The following TCF4 variants were observed in gnomAD, a reference collection of about 807,000 sequenced individuals.
TCF4 encodes SL3-3 enhancer factor 2.
In TCF4, 3 loss-of-function variants were observed where a neutral mutation model predicts 82.1. That is an observed-to-expected ratio of 0.04 (90% confidence interval 0.02 to 0.09). The LOEUF is 0.09. Ranked by LOEUF, TCF4 falls within the 10% of genes least tolerant of loss-of-function variation. The pLI is 1.00. For synonymous variants in TCF4, 276 were observed against 309.6 expected (o/e 0.89, Z 1.14); for missense variants, 518 against 852.7 (o/e 0.61, Z 4.89).
chr18:55,480,053 G>C (rs1301851333), intron 3 of TCF4, among the ~76,000 whole-genome samples: 2 of 152,016 alleles, frequency 1.3e-5, no homozygotes, highest in Non-Finnish European at 2.9e-5. Flanking sequence ...CAAGAAAATA[G>C]ACACAAGATA....
intron 3 of TCF4, among the ~76,000 whole-genome samples, chr18:55,474,844 A>G (rs1459733359): frequency 6.6e-6 from 1 of 152,120 alleles, no homozygotes; most frequent in Non-Finnish European, 1.5e-5. Context: ...GCACAAACAC[A>G]GCTCACCACA....
intron 8 of TCF4, among the ~76,000 whole-genome samples, chr18:55,312,488 A>C (rs535584625): frequency 1.3e-5 from 2 of 152,332 alleles, no homozygotes; most frequent in Admixed American, 1.3e-4. Context: ...TTCATAAGAA[A>C]CAATTCCGTA....
intron 6 of TCF4, among the ~76,000 whole-genome samples, chr18:55,360,165 G>A (rs1383139571): frequency 6.6e-6 from 1 of 152,186 alleles, no homozygotes; most frequent in African/African-American, 2.4e-5. Context: ...AATAGGTTAG[G>A]AGAACTTAAA....
intron 3 of TCF4, among the ~76,000 whole-genome samples, chr18:55,572,659 G>C (rs2097484692): frequency 6.6e-6 from 1 of 152,186 alleles, no homozygotes; most frequent in Non-Finnish European, 1.5e-5. Flanking sequence ...CTGTGGCTGT[G>C]CTACCTGATA....
At chr18:55,294,769 C>T (rs73488995) in intron 8 of TCF4, among the ~76,000 whole-genome samples, 4,019 of 152,258 alleles carry the variant, frequency 0.026, 185 homozygotes, top group African/African-American at 0.093. Flanking sequence ...GTTTCTGCAT[C>T]CAGATTTTCT....
intron 3 of TCF4, among the ~76,000 whole-genome samples, chr18:55,500,590 C>G (rs978850635): frequency 3.9e-5 from 6 of 152,096 alleles, no homozygotes; most frequent in Admixed American, 3.3e-4. Context: ...TTTCATAGCT[C>G]TCTATTAAAC....
chr18:55,581,599 T>C (rs949579992), intron 3 of TCF4, among the ~76,000 whole-genome samples: 2 of 152,090 alleles, frequency 1.3e-5, no homozygotes, highest in South Asian at 2.1e-4. Flanking sequence ...AAACCAATTT[T>C]TTTTTCATGC....
chr18:55,554,813 A>G (rs2097290481), intron 3 of TCF4, among the ~76,000 whole-genome samples: 1 of 152,222 alleles, frequency 6.6e-6, no homozygotes, highest in Non-Finnish European at 1.5e-5. Context: ...GGTTTGTGAA[A>G]CCAAAGTGAA....
intron 10 of TCF4, among the ~76,000 whole-genome samples, chr18:55,270,726 A>G (rs776670947): frequency 9.9e-5 from 15 of 152,164 alleles, no homozygotes; most frequent in Non-Finnish European, 1.8e-4. Context: ...TTTCCAAATA[A>G]GCTGTGTTTC....
At chr18:55,361,951 G>C (rs2085304242) in intron 6 of TCF4, among the ~76,000 whole-genome samples, 1 of 152,112 alleles carries the variant, frequency 6.6e-6, no homozygotes. Context: ...AATATTCGAA[G>C]ATGCATGAAT....
At chr18:55,388,365 A>G (rs887971681) in intron 6 of TCF4, among the ~76,000 whole-genome samples, 13 of 152,188 alleles carry the variant, frequency 8.5e-5, no homozygotes, top group African/African-American at 3.1e-4. Flanking sequence ...CACCACAACC[A>G]GAGAGTAGAG....
chr18:55,273,149 T>C (rs1568603143), intron 10 of TCF4, among the ~76,000 whole-genome samples: 1 of 152,154 alleles, frequency 6.6e-6, no homozygotes, highest in African/African-American at 2.4e-5. Context: ...GGGATTCTGT[T>C]GGACAGGCTA....
chr18:55,573,964 A>G (rs1484791644), intron 3 of TCF4, among the ~76,000 whole-genome samples: 4 of 152,240 alleles, frequency 2.6e-5, no homozygotes, highest in Non-Finnish European at 5.9e-5. Flanking sequence ...AAATATTAAC[A>G]TAATTCAAGT....
intron 3 of TCF4, among the ~76,000 whole-genome samples, chr18:55,526,770 G>A (rs768765626): frequency 6.6e-6 from 1 of 152,118 alleles, no homozygotes; most frequent in Non-Finnish European, 1.5e-5. Context: ...CAAAGTCTAT[G>A]GCCAGATCTA....
intron 6 of TCF4, chr18:55,384,198 C>A (rs2092355871): frequency 6.6e-6 from 1 of 152,242 alleles, no homozygotes; most frequent in Admixed American, 6.5e-5. Context: ...GAGAGCTCTG[C>A]AGATGTCTCT....
chr18:55,528,336 T>G (rs1455550541), intron 3 of TCF4, among the ~76,000 whole-genome samples: 1 of 152,128 alleles, frequency 6.6e-6, no homozygotes, highest in Non-Finnish European at 1.5e-5. Flanking sequence ...AGTCTAGAAC[T>G]TCACCCTTCA....
intron 5 of TCF4, among the ~76,000 whole-genome samples, chr18:55,453,217 T>C (rs1207433302): frequency 1.5e-5 from 2 of 130,594 alleles, no homozygotes; most frequent in South Asian, 5.8e-4. Flanking sequence ...GCATCAAACC[T>C]GAACTTGACA....
chr18:55,384,563 A>G (rs1279371869), intron 6 of TCF4, among the ~76,000 whole-genome samples: 1 of 152,248 alleles, frequency 6.6e-6, no homozygotes, highest in Non-Finnish European at 1.5e-5. Context: ...AGGGAAATAC[A>G]TTGATACACT....
intron 3 of TCF4, among the ~76,000 whole-genome samples, chr18:55,503,727 A>G (rs957707187): frequency 2.0e-5 from 3 of 152,172 alleles, no homozygotes; most frequent in Non-Finnish European, 2.9e-5. Flanking sequence ...GGCCCTGTAG[A>G]CTTAACAACA....
Sources: allele counts gnomAD v4.1 joint callset (sites outside exome capture counted in the v4.1 genomes callset), GRCh38; gene constraint gnomAD v4.1.1; transcripts MANE v1.5; gene names NCBI Gene and HGNC (gene_info 2026-07-23, HGNC 2026-07-21).